Variants in THADA observed in about 807,000 individuals in gnomAD.
The protein encoded by THADA is tRNA (32-2'-O)-methyltransferase regulator THADA.
In THADA, 213 loss-of-function variants were observed where a neutral mutation model predicts 219.8. The ratio of observed to expected loss-of-function variants is 0.97; its 90% CI spans 0.87 to 1.09. The LOEUF (loss-of-function observed/expected upper bound fraction) is 1.09. THADA is among the 50% of genes least tolerant of loss of function. THADA has a pLI of 0.00. For missense variants in THADA, 2,956 were observed against 2,311.3 expected (o/e 1.28, Z -5.72); for synonymous variants, 1,018 against 828.9 (o/e 1.23, Z -3.92).
Position 43,344,063 on chromosome 2 carries a change from A to G in THADA, c.4343+59T>C, listed in dbSNP as rs752067621. On this transcript the variant is annotated intron_variant, in intron 30 of 37. Transcript: ENST00000405975. ...AAACTCCCCACAACTAGAAACAGCA[A>G]TTCTCAAATGTATTCCTAACCCCTG... 4.0e-6 allele frequency: 5 copies of G among 1,248,600 alleles called. No homozygotes were observed. The Admixed American group carries it at 8.1e-5, about 20-fold the overall frequency. 77.3% of individuals were successfully genotyped at this position (1,248,600 alleles called of 1,614,324 possible). A position where few individuals can be genotyped will look rare whatever the true frequency, so the allele number is the denominator to read the frequency against.
At chr2:43,451,505 C>T (rs1339807210) in intron 26 of THADA, among the ~76,000 whole-genome samples, 2 of 152,162 alleles carry the variant, frequency 1.3e-5, no homozygotes, top group South Asian at 4.2e-4. Flanking sequence ...ATGTTAGCTC[C>T]CTGAGACTAA....
At chr2:43,330,630 C>T (rs1206200666) in intron 30 of THADA, among the ~76,000 whole-genome samples, 2 of 152,144 alleles carry the variant, frequency 1.3e-5, no homozygotes, top group East Asian at 1.9e-4. Flanking sequence ...CTGTGTGACC[C>T]GGGAGAACAA....
At chr2:43,569,384 T>C (rs1699046036) in intron 14 of THADA, among the ~76,000 whole-genome samples, 1 of 152,246 alleles carries the variant, frequency 6.6e-6, no homozygotes, top group Non-Finnish European at 1.5e-5. Context: ...AAGAGCTTTT[T>C]CATTTAATCC....
chr2:43,548,226 G>T lies in THADA; in HGVS notation c.3106+984C>A, dbSNP rs1696297337. Among the ~76,000 whole-genome samples the T allele has an allele frequency of 2.6e-5, 4 of 152,204 alleles. No homozygotes were observed. In the South Asian group the frequency reaches 6.2e-4, roughly 24 times the overall value. ...CTGCTGTCTGATCGTTCCTCTGGAA[G>T]TTTTGTCTCAGAGGGGTACCCGGCC... On this transcript the variant is annotated intron_variant, in intron 20 of 37. Transcript: ENST00000405975.
intron 26 of THADA, among the ~76,000 whole-genome samples, chr2:43,461,549 A>G (rs1683645062): frequency 6.6e-6 from 1 of 152,182 alleles, no homozygotes; most frequent in Non-Finnish European, 1.5e-5. Context: ...TTAGTCATCA[A>G]TCTGGATGGT....
chr2:43,288,156 C>T (rs758701388), intron 34 of THADA, among the ~76,000 whole-genome samples: 10 of 152,358 alleles, frequency 6.6e-5, no homozygotes, highest in East Asian at 3.9e-4. Flanking sequence ...CAGTGGCTCA[C>T]GGCTATAATC....
chr2:43,498,957 TA>T lies in THADA; in HGVS notation c.3622-3del. The T allele has an allele frequency of 1.3e-6, 2 of 1,559,168 alleles. No individual in the cohort carries two copies. Among genetic ancestry groups the T allele is most frequent in the Non-Finnish European group, 1.7e-6 (2 of 1,150,772 alleles). On this transcript the variant is annotated splice_region_variant and splice_polypyrimidine_tract_variant and intron_variant, in intron 24 of 37. Transcript: ENST00000405975. Reference sequence around the variant, plus strand: ...TCTAAGGATATTTAAAGCATGAACCTAAAACAAGAAGTTCAAAATTAGTTGT... The same window carrying T: ...TCTAAGGATATTTAAAGCATGAACCTAAACAAGAAGTTCAAAATTAGTTGT...
rs1048113778 is a variant in THADA, at chr2:43,591,991, T to C, written c.132A>G (p.Gln44=). The C allele has an allele frequency of 3.8e-6, 6 of 1,562,682 alleles. No individual in the cohort carries two copies. The African/African-American group carries it at 4.1e-5, about 11-fold the overall frequency. Residue 44 remains glutamine (Q), a synonymous_variant, in exon 3 of 38, where the codon CAA becomes CAG. Coordinates refer to ENST00000405975, the MANE Select transcript of THADA (RefSeq NM_022065.5). ...GGATTTGTGACACTCCATCCGTGAG[T>C]TGCACACAATGTAACAGCAAAGAAG... ...NLASLLLHCV[Q]LTDGVSQIHY... is the part of the protein sequence containing the mutation.
At chr2:43,356,088 T>A (rs552107179) in intron 29 of THADA, among the ~76,000 whole-genome samples, 2 of 151,962 alleles carry the variant, frequency 1.3e-5, no homozygotes, top group African/African-American at 4.8e-5. Context: ...ATAAGAGAAA[T>A]AGAGAACAGA....
At chr2:43,513,245 G>C (rs551025454) in intron 22 of THADA, among the ~76,000 whole-genome samples, 41 of 152,178 alleles carry the variant, frequency 2.7e-4, no homozygotes, top group Non-Finnish European at 5.0e-4. Flanking sequence ...AAATGATAGA[G>C]ATGAAACAGC....
intron 20 of THADA, among the ~76,000 whole-genome samples, chr2:43,544,902 C>A (rs1246723953): frequency 6.7e-6 from 1 of 150,176 alleles, no homozygotes. Flanking sequence ...GCCAGAACTT[C>A]CAACACTATG....
intron 22 of THADA, among the ~76,000 whole-genome samples, chr2:43,525,714 T>G (rs905215662): frequency 1.3e-5 from 2 of 152,206 alleles, no homozygotes; most frequent in African/African-American, 4.8e-5. Flanking sequence ...ATCACCCAGC[T>G]GAGCCCTGCC....
intron 21 of THADA, among the ~76,000 whole-genome samples, chr2:43,535,675 C>CAAAAAAAA (rs1177702416): frequency 5.3e-4 from 16 of 30,348 alleles, no homozygotes; most frequent in East Asian, 1.5e-3. Context: ...CAGCGAGACT[C>CAAAAAAAA]AAAAAAAAAA....
At position 43,574,780 on chromosome 2, in the gene THADA, C is replaced by A; in HGVS notation, c.1285G>T (p.Ala429Ser). 6.2e-7 allele frequency: 1 copy of A among 1,614,024 alleles called. No individual in the cohort carries two copies. Residue 429 changes from alanine to serine, a missense_variant, in exon 11 of 38, where the codon GCA becomes TCA. Transcript: ENST00000405975. ...LQMHRLTVEG[A>S]DFVPDPFFVE... ...AAGAAAGGATCAGGGACGAAATCTG[C>A]ACCTTCCACAGTGAGCCGGTGCATT... is the stretch of plus-strand genomic sequence containing the variant.
intron 36 of THADA, among the ~76,000 whole-genome samples, chr2:43,250,768 GAGC>G (rs1669731598): frequency 6.6e-6 from 1 of 152,120 alleles, no homozygotes; most frequent in African/African-American, 2.4e-5. Flanking sequence ...CATGGGGATG[GAGC>G]AGGATAGTGT....
chr2:43,401,479 C>T (rs1333699827), intron 28 of THADA, among the ~76,000 whole-genome samples: 1 of 152,132 alleles, frequency 6.6e-6, no homozygotes, highest in Non-Finnish European at 1.5e-5. Flanking sequence ...GGCCTTTCAC[C>T]GTGTTAGCCA....
At chr2:43,315,526 G>A (rs1005901869) in intron 31 of THADA, among the ~76,000 whole-genome samples, 8 of 151,470 alleles carry the variant, frequency 5.3e-5, no homozygotes, top group Non-Finnish European at 1.2e-4. Context: ...GCAATGGTGT[G>A]ATCACAGATC....
intron 36 of THADA, among the ~76,000 whole-genome samples, chr2:43,278,688 T>C (rs1673003293): frequency 6.6e-6 from 1 of 152,142 alleles, no homozygotes; most frequent in African/African-American, 2.4e-5. Flanking sequence ...TTCTTCCACA[T>C]AGGCAGAGAA....
In THADA at chr2:43,469,511, A is replaced by T. The variant is rs573906059; in HGVS notation, c.3836+15723T>A. 9.2e-4 allele frequency among the ~76,000 whole-genome samples: 140 copies of T among 152,334 alleles called. 1 individual carries two copies. The highest frequency in any genetic ancestry group is 3.2e-3 in the African/African-American group (132 of 41,584). On this transcript the variant is annotated intron_variant, in intron 26 of 37. Coordinates refer to ENST00000405975, the MANE Select transcript of THADA (RefSeq NM_022065.5). Reference sequence around the variant, plus strand: ...CCCCCTCACATTCCCTTAAATGAACATTAAAAAAAATTATTATTCTCACTA... The same window carrying T: ...CCCCCTCACATTCCCTTAAATGAACTTTAAAAAAAATTATTATTCTCACTA...
Sources: gnomAD v4.1 joint callset for allele counts (sites outside exome capture counted in the v4.1 genomes callset) on GRCh38, gnomAD v4.1.1 for gene constraint, MANE v1.5 for transcripts, NCBI Gene and HGNC (gene_info 2026-07-23, HGNC 2026-07-21) for gene names.